Variants in AMMECR1 observed in about 807,000 individuals in gnomAD.
The protein encoded by AMMECR1 is nuclear protein AMMECR1.
In AMMECR1, 3 loss-of-function variants were observed where a neutral mutation model predicts 22.5. The ratio of observed to expected loss-of-function variants is 0.13; its 90% confidence interval spans 0.06 to 0.35. The LOEUF is 0.35. Ranked by LOEUF, AMMECR1 falls within the 10% of genes least tolerant of loss-of-function variation. The probability of loss-of-function intolerance (pLI) is 1.00; values close to 1 mark genes in which losing one functional copy is unlikely to be tolerated. For synonymous variants in AMMECR1, 130 were observed against 116.7 expected, an observed-to-expected ratio of 1.11 and a Z score of -0.74; for missense variants, 235 against 278.7, an observed-to-expected ratio of 0.84 and a Z score of 1.12.
intron 2 of AMMECR1, among the ~76,000 whole-genome samples, chrX:110,220,117 T>C (rs1016054172): frequency 8.9e-6 from 1 of 112,029 alleles, no homozygotes; most frequent in Non-Finnish European, 1.9e-5. Flanking sequence ...GAGAGAATAC[T>C]GTAATCTGGA....
At chrX:110,277,672 C>A (rs2067833077) in intron 1 of AMMECR1, among the ~76,000 whole-genome samples, 1 of 111,864 alleles carries the variant, frequency 8.9e-6, no homozygotes, top group African/African-American at 3.3e-5. Flanking sequence ...AATGACTCAA[C>A]CAATTTCAGG....
chrX:110,422,258 G>C (rs1329066174), intron 2 of AMMECR1, among the ~76,000 whole-genome samples: 4 of 112,826 alleles, frequency 3.5e-5, no homozygotes, highest in Non-Finnish European at 7.5e-5. Context: ...TGGCAAGTCA[G>C]ATTACCTGGC....
intron 2 of AMMECR1, among the ~76,000 whole-genome samples, chrX:110,226,433 A>C (rs1462954847): frequency 9.0e-6 from 1 of 111,220 alleles, no homozygotes; most frequent in Non-Finnish European, 1.9e-5. Flanking sequence ...GTAAAACCCC[A>C]TCTCTACTAA....
chrX:110,370,022 C>T (rs189198713), intron 2 of AMMECR1, among the ~76,000 whole-genome samples: 45 of 110,348 alleles, frequency 4.1e-4, no homozygotes, highest in African/African-American at 1.5e-3. Context: ...AGTAAGAAAC[C>T]ACTATATTGA....
rs770699524 is a variant in AMMECR1 at position 110,405,926 on chromosome X, A to G, written c.-148+20732T>C. Among the ~76,000 whole-genome samples the G allele has an allele frequency of 4.5e-5, 5 of 111,732 alleles. No homozygotes were observed. In the East Asian group the frequency reaches 1.4e-3, roughly 31 times the overall value. ...TATATTTTCTCTTTTACCAAATCAC[A>G]GAACATCTGGTCTGCTTAATTTTAT... is the stretch of plus-strand genomic sequence containing the variant. On this transcript the variant is annotated intron_variant, in intron 2 of 7. Coordinates refer to the AMMECR1 transcript ENST00000372057.
At chrX:110,399,366 G>C (rs773911994) in intron 2 of AMMECR1, among the ~76,000 whole-genome samples, 2 of 112,337 alleles carry the variant, frequency 1.8e-5, no homozygotes, top group Non-Finnish European at 3.8e-5. Flanking sequence ...ACCTACGCTG[G>C]TCTGGCTCCA....
chrX:110,325,360 G>A (rs2068094089), intron 2 of AMMECR1, among the ~76,000 whole-genome samples: 1 of 111,130 alleles, frequency 9.0e-6, no homozygotes, highest in Non-Finnish European at 1.9e-5. Context: ...GTTGACTATT[G>A]TGCTATCAAA....
chrX:110,307,005 AG>A (rs2067999186), intron 1 of AMMECR1: 1 of 110,782 alleles, frequency 9.0e-6, no homozygotes, highest in African/African-American at 3.3e-5. Context: ...CAGTAGGCAG[AG>A]GCGGGCAGAT....
intron 2 of AMMECR1, among the ~76,000 whole-genome samples, chrX:110,375,582 G>C (rs936587377): frequency 8.9e-6 from 1 of 111,775 alleles, no homozygotes; most frequent in Non-Finnish European, 1.9e-5. Flanking sequence ...CAATCAATTA[G>C]AGCCTGCCCT....
chrX:110,303,515 C>T (rs931553902), intron 1 of AMMECR1, among the ~76,000 whole-genome samples: 5 of 112,182 alleles, frequency 4.5e-5, no homozygotes, highest in African/African-American at 1.6e-4. Flanking sequence ...TCAGGAACCT[C>T]TGTGTGGTCT....
intron 2 of AMMECR1, among the ~76,000 whole-genome samples, chrX:110,365,922 T>C (rs1267177035): frequency 8.9e-6 from 1 of 111,888 alleles, no homozygotes; most frequent in Admixed American, 9.5e-5. Flanking sequence ...TTATTGAAAA[T>C]ATAACATCAG....
chrX:110,294,935 T>TA (rs762971886), intron 1 of AMMECR1, among the ~76,000 whole-genome samples: 13 of 106,579 alleles, frequency 1.2e-4, no homozygotes, highest in Admixed American at 3.0e-4. Flanking sequence ...GGTATAAACT[T>TA]AAAAAAAAAA....
intron 2 of AMMECR1, among the ~76,000 whole-genome samples, chrX:110,422,629 G>A (rs915027863): frequency 8.9e-6 from 1 of 112,296 alleles, no homozygotes; most frequent in African/African-American, 3.2e-5. Context: ...AAATTTCCTC[G>A]CAGCAGCTAC....
intron 2 of AMMECR1, among the ~76,000 whole-genome samples, chrX:110,217,048 ATG>A (rs764255637): frequency 9.1e-6 from 1 of 109,750 alleles, no homozygotes; most frequent in Non-Finnish European, 1.9e-5. Context: ...GTGTGTGTAT[ATG>A]TGTGTGTGTA....
chrX:110,342,858 C>A (rs1026065841), intron 2 of AMMECR1, among the ~76,000 whole-genome samples: 2 of 111,065 alleles, frequency 1.8e-5, no homozygotes, highest in Non-Finnish European at 3.8e-5. Context: ...AAAACTTGAA[C>A]CAACCAAAAA....
At chrX:110,361,362 A>G (rs2068262187) in intron 2 of AMMECR1, among the ~76,000 whole-genome samples, 1 of 111,213 alleles carries the variant, frequency 9.0e-6, no homozygotes, top group South Asian at 3.8e-4. Flanking sequence ...TGCTTCCTGG[A>G]TTATATTGCA....
chrX:110,372,664 G>A (rs2068347558), intron 2 of AMMECR1, among the ~76,000 whole-genome samples: 1 of 111,623 alleles, frequency 9.0e-6, no homozygotes, highest in African/African-American at 3.3e-5. Context: ...TATTTTCACT[G>A]TTAAAAGCAA....
At position 110,194,804 on chromosome X, in the gene AMMECR1, A is replaced by C. The variant is rs1486904702; in HGVS notation, c.*3716T>G. On this transcript the variant is annotated 3_prime_UTR_variant, in exon 6 of 6. Coordinates refer to ENST00000262844, the MANE Select transcript of AMMECR1 (RefSeq NM_015365.3). ...AAGGAAAACATATATTTGTATATAAAGGATCAATGCTGGTCTTAAGAATAA... is the reference window on the plus strand; with the variant it reads ...AAGGAAAACATATATTTGTATATAACGGATCAATGCTGGTCTTAAGAATAA... 8.9e-6 allele frequency: 1 copy of C among 112,070 alleles called. No individual in the cohort carries two copies. 9.2% of individuals were successfully genotyped at this position (112,070 alleles called of 1,213,427 possible). A position where few individuals can be genotyped will look rare whatever the true frequency, so the allele number is the denominator to read the frequency against.
chrX:110,237,682 A>G (rs923052438), intron 2 of AMMECR1, among the ~76,000 whole-genome samples: 2 of 111,471 alleles, frequency 1.8e-5, no homozygotes, highest in Admixed American at 1.9e-4. Context: ...ATAGCACCTC[A>G]TTTTCCTTTG....
Sources: gnomAD v4.1 joint callset for allele counts (sites outside exome capture counted in the v4.1 genomes callset) on GRCh38, gnomAD v4.1.1 for gene constraint, MANE v1.5 for transcripts, NCBI Gene and HGNC (gene_info 2026-07-23, HGNC 2026-07-21) for gene names.